Variants in ABCA13 observed in about 807,000 individuals in gnomAD.
ABCA13 encodes ATP-binding cassette sub-family A member 13.
A neutral mutation model predicts 478.7 loss-of-function variants in ABCA13; 476 were observed. The observed-to-expected ratio is 0.99, with a 90% CI of 0.92 to 1.07. The LOEUF (loss-of-function observed/expected upper bound fraction) is 1.07, where lower values mean the gene tolerates loss of function less well. ABCA13 is among the 50% of genes least tolerant of loss of function. ABCA13 has a pLI of 0.00. For missense variants in ABCA13, 6,060 were observed against 5,910.6 expected (o/e 1.03, Z -0.83); for synonymous variants, 2,252 against 2,158.9 (o/e 1.04, Z -1.20).
At chr7:48,539,410 T>C (rs1010869849) in intron 55 of ABCA13, among the ~76,000 whole-genome samples, 1 of 152,168 alleles carries the variant, frequency 6.6e-6, no homozygotes, top group Non-Finnish European at 1.5e-5. Flanking sequence ...CTTTTTGTTT[T>C]CATTTACTAG....
intron 55 of ABCA13, among the ~76,000 whole-genome samples, chr7:48,564,395 A>G (rs992749959): frequency 3.3e-5 from 5 of 152,036 alleles, no homozygotes; most frequent in Non-Finnish European, 7.4e-5. Context: ...TTAACAAAAA[A>G]ATGAAGCTCT....
chr7:48,543,588 C>T (rs996603937), intron 55 of ABCA13, among the ~76,000 whole-genome samples: 1 of 151,544 alleles, frequency 6.6e-6, no homozygotes, highest in African/African-American at 2.4e-5. Context: ...CGCACCGTTG[C>T]ACTCCAGCCT....
Position 48,477,899 on chromosome 7 carries a change from A to T in ABCA13, c.12976-3137A>T, listed in dbSNP as rs937935854. Among the ~76,000 whole-genome samples, 6 of 152,126 alleles carry T rather than the reference A, an allele frequency of 3.9e-5. No individual in the cohort carries two copies. In the East Asian group the frequency reaches 1.2e-3, roughly 29 times the overall value. On this transcript the variant is annotated intron_variant, in intron 45 of 61. Transcript: ENST00000435803. ...AAAACTTAAAGTATAATAATAATAA[A>T]AAAAAGAATGAGACCAAGGATATTT...
chr7:48,389,161 C>T lies in ABCA13; in HGVS notation c.11595C>T (p.Phe3865=), dbSNP rs752973298. ...KAVVQDLSLT[F]YRDQITALLG... ...TGGTCCAAGACCTCAGCCTGACCTT[C>T]TACAGAGACCAAATCACCGCCCTGC... Residue 3865 remains phenylalanine (F), a synonymous_variant, in exon 37 of 62, where the codon TTC becomes TTT. Transcript: ENST00000435803. 4 of 1,613,974 alleles carry T rather than the reference C, an allele frequency of 2.5e-6. No homozygotes were observed. Among genetic ancestry groups the T allele is most frequent in the African/African-American group, 2.7e-5 (2 of 75,058 alleles).
At position 48,305,949 on chromosome 7, in the gene ABCA13, C is replaced by T. The variant is rs575293105; in HGVS notation, c.9322-3998C>T. On this transcript the variant is annotated intron_variant, in intron 23 of 61. Coordinates refer to ENST00000435803, the MANE Select transcript of ABCA13 (RefSeq NM_152701.5). ...TTGCAGCATTAGCCTATGCAAAGCC[C>T]GAGATAAAAGGTGCCTGTTTTACTT... Among the ~76,000 whole-genome samples the T allele has an allele frequency of 9.9e-5, 15 of 152,232 alleles. No individual in the cohort carries two copies. In the East Asian group the frequency reaches 2.7e-3, roughly 27 times the overall value.
intron 46 of ABCA13, among the ~76,000 whole-genome samples, chr7:48,481,377 T>G (rs1828738875): frequency 6.6e-6 from 1 of 152,162 alleles, no homozygotes; most frequent in African/African-American, 2.4e-5. Flanking sequence ...AATATTTAAA[T>G]ATAATAAAGT....
At chr7:48,516,689 A>G (rs758769748) in intron 51 of ABCA13, 36 bp from the exon 52 acceptor site, 2 of 1,602,502 alleles carry the variant, frequency 1.2e-6, no homozygotes, top group Non-Finnish European at 1.7e-6. Flanking sequence ...TAAATGTTAC[A>G]GTAAAACAAA....
chr7:48,457,693 G>T (rs903944521), intron 43 of ABCA13, among the ~76,000 whole-genome samples: 1 of 152,130 alleles, frequency 6.6e-6, no homozygotes, highest in Non-Finnish European at 1.5e-5. Context: ...ATGTCTGGAG[G>T]TTTATTTTCT....
intron 48 of ABCA13, among the ~76,000 whole-genome samples, chr7:48,505,356 C>G (rs918301870): frequency 1.3e-5 from 2 of 152,150 alleles, no homozygotes; most frequent in African/African-American, 4.8e-5. Context: ...TGTAGGCTTA[C>G]TTATACCCCA....
chr7:48,626,326 A>G (rs1272707278), intron 59 of ABCA13, among the ~76,000 whole-genome samples: 1 of 152,098 alleles, frequency 6.6e-6, no homozygotes, highest in Admixed American at 6.6e-5. Flanking sequence ...GGAGGAATTT[A>G]AATCACGTGT....
At chr7:48,464,474 A>T (rs1826649607) in intron 43 of ABCA13, among the ~76,000 whole-genome samples, 1 of 152,222 alleles carries the variant, frequency 6.6e-6, no homozygotes, top group African/African-American at 2.4e-5. Context: ...AGTGGGGAAG[A>T]TAGTGTTTTT....
chr7:48,623,818 G>C (rs1240133249), intron 59 of ABCA13, among the ~76,000 whole-genome samples: 1 of 152,176 alleles, frequency 6.6e-6, no homozygotes, highest in East Asian at 1.9e-4. Flanking sequence ...TGGGCACTTT[G>C]CTACTTAAAT....
intron 23 of ABCA13, 81 bp downstream of exon 23, chr7:48,298,568 C>T: frequency 1.3e-6 from 2 of 1,483,818 alleles, no homozygotes; most frequent in South Asian, 1.4e-5. Context: ...GTTGTCCTTT[C>T]TTCCTTCTTG....
At chr7:48,429,165 A>C (rs957752090) in intron 42 of ABCA13, among the ~76,000 whole-genome samples, 4 of 152,188 alleles carry the variant, frequency 2.6e-5, no homozygotes, top group African/African-American at 9.6e-5. Flanking sequence ...TAAATATACC[A>C]CATTTTTGTT....
chr7:48,182,589 G>A (rs1008211700), intron 1 of ABCA13, among the ~76,000 whole-genome samples: 1 of 152,016 alleles, frequency 6.6e-6, no homozygotes, highest in South Asian at 2.1e-4. Context: ...CTAAATAAAT[G>A]TTCATTGAAT....
intron 48 of ABCA13, among the ~76,000 whole-genome samples, chr7:48,504,862 TTTA>T (rs1831063149): frequency 6.6e-6 from 1 of 152,158 alleles, no homozygotes; most frequent in African/African-American, 2.4e-5. Context: ...GAGTCAACAC[TTTA>T]GCTAGGAAGG....
chr7:48,511,508 G>T (rs17132429), intron 51 of ABCA13, among the ~76,000 whole-genome samples: 1,649 of 152,228 alleles, frequency 0.011, 41 homozygotes, highest in African/African-American at 0.038. Context: ...TTAATCAGGG[G>T]CTCAAATACA....
At chr7:48,361,600 AATTC>A (rs1810841710) in intron 31 of ABCA13, among the ~76,000 whole-genome samples, 1 of 151,540 alleles carries the variant, frequency 6.6e-6, no homozygotes, top group African/African-American at 2.4e-5. Flanking sequence ...ACTAAAGTTT[AATTC>A]ATTATTTTTA....
intron 54 of ABCA13, among the ~76,000 whole-genome samples, chr7:48,525,611 C>A (rs1832833759): frequency 6.7e-6 from 1 of 149,630 alleles, no homozygotes; most frequent in Non-Finnish European, 1.5e-5. Flanking sequence ...AGAGTATGAC[C>A]CAATTAATGC....
Sources: gnomAD v4.1 joint callset for allele counts (sites outside exome capture counted in the v4.1 genomes callset) on GRCh38, gnomAD v4.1.1 for gene constraint, MANE v1.5 for transcripts, NCBI Gene and HGNC (gene_info 2026-07-23, HGNC 2026-07-21) for gene names.